The following NFE2L1 variants were observed in gnomAD, a reference collection of about 807,000 sequenced individuals.
NFE2L1 encodes NFE2 like bZIP transcription factor 1.
In NFE2L1, 18 loss-of-function variants were observed where a neutral mutation model predicts 61.6. That is an observed-to-expected ratio of 0.29 (90% CI 0.20 to 0.43). The LOEUF (loss-of-function observed/expected upper bound fraction) is 0.43, where lower values mean the gene tolerates loss of function less well. Among genes scored for constraint, NFE2L1 ranks in the 20% least tolerant of loss-of-function variants. The pLI, the probability that NFE2L1 is intolerant of heterozygous loss-of-function variation, is 1.00. For synonymous variants in NFE2L1, 419 were observed against 402.7 expected, an observed-to-expected ratio of 1.04 and a Z score of -0.48; for missense variants, 827 against 973.5, an observed-to-expected ratio of 0.85 and a Z score of 2.00.
chr17:48,051,602 C>G lies in NFE2L1; in HGVS notation c.484C>G (p.Pro162Ala), dbSNP rs778055772. 5.0e-6 allele frequency: 8 copies of G among 1,613,822 alleles called. No homozygotes were observed. Among genetic ancestry groups the G allele is most frequent in the East Asian group, 2.2e-5 (1 of 44,888 alleles). ...GGAGGATTTGGGGGCTGTAGCCCCC[C>G]CAGTCAGTGGAGACTTAACCAAAGA... ...DLEDLGAVAP[P>A]VSGDLTKEDI... The change falls in exon 2 of 6, where the codon CCA (proline) becomes GCA (alanine). Residue 162 changes from proline to alanine, a missense_variant. Around this residue, in one of 3 missense-constraint regions of NFE2L1, gnomAD observed 667 missense variants for 748.4 expected, o/e 0.89. Coordinates refer to ENST00000362042, the MANE Select transcript of NFE2L1 (RefSeq NM_003204.3).
chr17:48,056,626 T>C (rs1598289347), intron 3 of NFE2L1, 28 bp downstream of exon 3: 3 of 1,609,744 alleles, frequency 1.9e-6, no homozygotes, highest in Non-Finnish European at 2.5e-6. Flanking sequence ...CACTGGGCTC[T>C]CTTCTTGTCC....
chr17:48,050,140 T>C (rs1422170937), intron 1 of NFE2L1, among the ~76,000 whole-genome samples: 1 of 152,196 alleles, frequency 6.6e-6, no homozygotes, highest in African/African-American at 2.4e-5. Context: ...TTGCTATATT[T>C]TGGGTTTTTT....
intron 1 of NFE2L1, chr17:48,048,666 G>A (rs1226874942): frequency 6.6e-6 from 1 of 152,638 alleles, no homozygotes; most frequent in East Asian, 1.9e-4. Flanking sequence ...GGACTGGGCA[G>A]GGTTGAGGGC....
intron 1 of NFE2L1, among the ~76,000 whole-genome samples, chr17:48,049,536 G>T (rs1261773595): frequency 1.3e-5 from 2 of 152,174 alleles, no homozygotes; most frequent in African/African-American, 4.8e-5. Flanking sequence ...GGGATTACAG[G>T]CATGCGCCAC....
Position 48,058,473 on chromosome 17 carries a change from G to T in NFE2L1, c.1151G>T (p.Ser384Ile). 1 of 1,613,832 alleles carries T rather than the reference G, an allele frequency of 6.2e-7. No homozygotes were observed. The highest frequency in any genetic ancestry group is 8.5e-7 in the Non-Finnish European group (1 of 1,179,836). ...DFLLFSPEVE[S>I]LPVASSSTLL... ...TTACTCTTCAGCCCCGAGGTGGAAA[G>T]CCTGCCTGTGGCCAGTAGCTCCACG... The change falls in exon 6 of 6, where the codon AGC (serine) becomes ATC (isoleucine). Residue 384 changes from serine (S) to isoleucine (I), a missense_variant. Ser to Ile is a moderately radical substitution (Grantham distance 142, BLOSUM62 -2). Around this residue, in one of 3 missense-constraint regions of NFE2L1, gnomAD observed 667 missense variants for 748.4 expected, o/e 0.89. Coordinates refer to ENST00000362042, the MANE Select transcript of NFE2L1 (RefSeq NM_003204.3).
intron 2 of NFE2L1, 71 bp from the exon 3 acceptor site, chr17:48,056,315 G>T: frequency 6.3e-7 from 1 of 1,578,604 alleles, no homozygotes; most frequent in Non-Finnish European, 8.7e-7. Flanking sequence ...CACTAGGAGG[G>T]AACTCTGAGG....
chr17:48,049,327 G>T (rs11654342), intron 1 of NFE2L1, among the ~76,000 whole-genome samples: 24,518 of 152,154 alleles, frequency 0.16, 2,687 homozygotes, highest in African/African-American at 0.31. Flanking sequence ...AATTCTGGAC[G>T]GAATAGTCCT....
chr17:48,053,295 G>A (rs189730818), intron 2 of NFE2L1, among the ~76,000 whole-genome samples: 158 of 152,278 alleles, frequency 1.0e-3, no homozygotes, highest in African/African-American at 3.6e-3. Context: ...CGTGAAGGTT[G>A]TGCTTTTCCT....
In NFE2L1 at chr17:48,059,007, T is replaced by G; in HGVS notation, c.1685T>G (p.Leu562Arg). ...CRMSYQDPAQ[L>R]SCLPYLEHVG... ...ATGAGCTACCAGGATCCAGCTCAGCTCTCATGCCTGCCCTACCTGGAGCAC... is the reference window on the plus strand; with the variant it reads ...ATGAGCTACCAGGATCCAGCTCAGCGCTCATGCCTGCCCTACCTGGAGCAC... The change falls in exon 6 of 6, where the codon CTC becomes CGC. Residue 562 changes from leucine to arginine, a missense_variant. Physicochemically the swap from Leu to Arg is moderately radical, Grantham distance 102. Coordinates refer to ENST00000362042, the MANE Select transcript of NFE2L1 (RefSeq NM_003204.3). The surrounding 1 kb of genome is among the most constrained non-coding windows in gnomAD (Gnocchi z 6.1). 6.2e-7 allele frequency: 1 copy of G among 1,613,940 alleles called. No homozygotes were observed. Among genetic ancestry groups the G allele is most frequent in the Non-Finnish European group, 8.5e-7 (1 of 1,180,006 alleles).
intron 1 of NFE2L1, among the ~76,000 whole-genome samples, chr17:48,050,180 T>C (rs1281810293): frequency 6.6e-6 from 1 of 152,226 alleles, no homozygotes; most frequent in Non-Finnish European, 1.5e-5. Flanking sequence ...CCTTTCTTCC[T>C]GTAAAAGTGG....
At position 48,051,607 on chromosome 17, in the gene NFE2L1, C is replaced by A; in HGVS notation, c.489C>A (p.Val163=). The A allele has an allele frequency of 1.2e-6, 2 of 1,613,478 alleles. No individual in the cohort carries two copies. Among genetic ancestry groups the A allele is most frequent in the South Asian group, 2.2e-5 (2 of 90,968 alleles). ...ATTTGGGGGCTGTAGCCCCCCCAGT[C>A]AGTGGAGACTTAACCAAAGAGGTTA... is the stretch of plus-strand genomic sequence containing the variant. ...LEDLGAVAPP[V]SGDLTKEDID... The change falls in exon 2 of 6, where the codon GTC becomes GTA. Residue 163 remains valine (V), a synonymous_variant. Coordinates refer to ENST00000362042, the MANE Select transcript of NFE2L1 (RefSeq NM_003204.3).
In NFE2L1 at chr17:48,052,164, C is replaced by T. The variant is rs576403183; in HGVS notation, c.510+536C>T. 3.3e-5 allele frequency among the ~76,000 whole-genome samples: 5 copies of T among 152,230 alleles called. No individual in the cohort carries two copies. The South Asian group carries it at 1.0e-3, about 32-fold the overall frequency. ...TTGGCCAGGAGAGGGCCAAGGCTTC[C>T]AATCTTTGCAAAAGGCCCACTGCAG... is the stretch of plus-strand genomic sequence containing the variant. On this transcript the variant is annotated intron_variant, in intron 2 of 5. Coordinates refer to ENST00000362042, the MANE Select transcript of NFE2L1 (RefSeq NM_003204.3).
At chr17:48,054,677 G>A in intron 2 of NFE2L1, 1 of 1,272,504 alleles carries the variant, frequency 7.9e-7, no homozygotes, top group Non-Finnish European at 9.9e-7. Flanking sequence ...GGAGCGGGAG[G>A]ATAGGCCCAG....
chr17:48,053,124 C>T (rs987559925), intron 2 of NFE2L1, among the ~76,000 whole-genome samples: 1 of 152,128 alleles, frequency 6.6e-6, no homozygotes, highest in Non-Finnish European at 1.5e-5. Context: ...CAGGGTAGCT[C>T]CCCCAGGGGT....
At chr17:48,055,100 C>A in intron 2 of NFE2L1, 2 of 1,449,106 alleles carry the variant, frequency 1.4e-6, no homozygotes, top group South Asian at 1.4e-5. Context: ...GCTGGCTGGT[C>A]ACCGGGTGGC....
At chr17:48,056,955 G>T (rs1351715172) in intron 3 of NFE2L1, 77 bp from the exon 4 acceptor site, 60 of 1,458,542 alleles carry the variant, frequency 4.1e-5, no homozygotes, top group Non-Finnish European at 5.5e-5. Flanking sequence ...CAGGGCTTCA[G>T]CCATTCTGGG....
At chr17:48,048,935 C>T (rs1483053087) in intron 1 of NFE2L1, 1 of 152,592 alleles carries the variant, frequency 6.6e-6, no homozygotes, top group Non-Finnish European at 1.5e-5. Flanking sequence ...GGGACTTTGT[C>T]CGGTTCCTCG....
rs2037493948 is a variant in NFE2L1, at chr17:48,059,532, A to G, written c.2210A>G (p.Gln737Arg). Residue 737 changes from glutamine to arginine, a missense_variant, in exon 6 of 6, where the codon CAG becomes CGG. Coordinates refer to ENST00000362042, the MANE Select transcript of NFE2L1 (RefSeq NM_003204.3). This position sits in a 1 kb window ranked among gnomAD's most constrained non-coding sequence, Gnocchi z 6.1. ...AACGGACGACCCTACTCGCCCAGTC[A>G]GTATGCGCTCCAGTACGCCGGGGAC... is the stretch of plus-strand genomic sequence containing the variant. ...DENGRPYSPS[Q>R]YALQYAGDGS... 1 of 1,613,718 alleles carries G rather than the reference A, an allele frequency of 6.2e-7. No individual in the cohort carries two copies. Among genetic ancestry groups the G allele is most frequent in the Admixed American group, 1.7e-5 (1 of 59,982 alleles).
chr17:48,059,724 CG>C lies in NFE2L1; in HGVS notation c.*87del. ...CCTGGACCTGGACCTGGACCTACAG[CG>C]GGGACTTAAATGCCTTCTTATCCAA... On this transcript the variant is annotated 3_prime_UTR_variant, in exon 6 of 6. Coordinates refer to ENST00000362042, the MANE Select transcript of NFE2L1 (RefSeq NM_003204.3). This position sits in a 1 kb window ranked among gnomAD's most constrained non-coding sequence, Gnocchi z 6.1. The C allele has an allele frequency of 6.7e-7, 1 of 1,485,524 alleles. No individual in the cohort carries two copies. The highest frequency in any genetic ancestry group is 8.9e-7 in the Non-Finnish European group (1 of 1,123,920). The allele number at this position is 1,485,524 out of a possible 1,614,324, so 92.0% of individuals were successfully genotyped here.
Sources: gnomAD v4.1 joint callset for allele counts (sites outside exome capture counted in the v4.1 genomes callset) on GRCh38, gnomAD v4.1.1 for gene constraint, gnomAD v4.1.1 regional missense constraint, Gnocchi (gnomAD v3.1) non-coding constraint, MANE v1.5 for transcripts, NCBI Gene and HGNC (gene_info 2026-07-23, HGNC 2026-07-21) for gene names.